RALYL: variants seen among roughly 807,000 people sequenced by gnomAD.
RALYL encodes the protein RNA-binding Raly-like protein.
RALYL carries 29 observed loss-of-function variants against 35.1 expected under a neutral mutation model. The observed-to-expected ratio is 0.83, with a 90% CI of 0.61 to 1.13. The LOEUF (loss-of-function observed/expected upper bound fraction) is 1.13. Ranked by LOEUF, RALYL falls within the 50% of genes most tolerant of loss-of-function variation. RALYL has a pLI of 0.00. For synonymous variants in RALYL, 120 were observed against 127.6 expected, an observed-to-expected ratio of 0.94 and a Z score of 0.40; for missense variants, 359 against 360.4, an observed-to-expected ratio of 1.00 and a Z score of 0.03.
chr8:84,840,633 C>T (rs960230971), intron 4 of RALYL, among the ~76,000 whole-genome samples: 4 of 152,150 alleles, frequency 2.6e-5, no homozygotes, highest in Non-Finnish European at 5.9e-5. Flanking sequence ...AAAGATGCTA[C>T]TTGAGAAGAG....
At chr8:84,637,191 A>G (rs1455497341) in intron 2 of RALYL, among the ~76,000 whole-genome samples, 1 of 151,942 alleles carries the variant, frequency 6.6e-6, no homozygotes, top group Admixed American at 6.6e-5. Context: ...TTGATGTTGC[A>G]GACATTTTAT....
At chr8:84,560,233 G>C (rs2061391988) in intron 2 of RALYL, among the ~76,000 whole-genome samples, 1 of 151,806 alleles carries the variant, frequency 6.6e-6, no homozygotes, top group African/African-American at 2.4e-5. Flanking sequence ...CTATCTCTTG[G>C]CTAGGGAAGG....
At chr8:84,843,309 C>T (rs1234174927) in intron 4 of RALYL, among the ~76,000 whole-genome samples, 3 of 152,092 alleles carry the variant, frequency 2.0e-5, no homozygotes, top group Non-Finnish European at 2.9e-5. Context: ...CACAAGCACT[C>T]TTATACACCA....
chr8:84,740,411 A>G (rs1050282794), intron 2 of RALYL, among the ~76,000 whole-genome samples: 2 of 152,084 alleles, frequency 1.3e-5, no homozygotes, highest in Non-Finnish European at 1.5e-5. Flanking sequence ...TAGAGAAGAG[A>G]TTATACAATA....
chr8:84,298,339 G>GT (rs143522434), intron 1 of RALYL, among the ~76,000 whole-genome samples: 11 of 152,104 alleles, frequency 7.2e-5, no homozygotes, highest in Non-Finnish European at 1.5e-4. Flanking sequence ...TGATCAGATG[G>GT]TTTTAGGTGT....
At chr8:84,903,716 T>C (rs1846064847) in intron 8 of RALYL, among the ~76,000 whole-genome samples, 1 of 152,214 alleles carries the variant, frequency 6.6e-6, no homozygotes, top group African/African-American at 2.4e-5. Flanking sequence ...ATTATAGTTC[T>C]ATGATGCCAA....
intron 4 of RALYL, among the ~76,000 whole-genome samples, chr8:84,820,095 A>G (rs760966104): frequency 1.3e-5 from 2 of 152,200 alleles, no homozygotes; most frequent in African/African-American, 2.4e-5. Context: ...CACTCAACCC[A>G]GTAACAATTT....
intron 1 of RALYL, among the ~76,000 whole-genome samples, chr8:84,400,186 C>T (rs769215330): frequency 2.6e-5 from 4 of 152,034 alleles, no homozygotes; most frequent in African/African-American, 9.7e-5. Flanking sequence ...TGTATATACA[C>T]AATGAAATAT....
intron 2 of RALYL, among the ~76,000 whole-genome samples, chr8:84,720,096 A>G (rs1039258476): frequency 6.6e-6 from 1 of 152,100 alleles, no homozygotes; most frequent in Non-Finnish European, 1.5e-5. Flanking sequence ...TAGGATTCCA[A>G]TCTTTTTTAT....
chr8:84,841,729 C>T (rs1009576498), intron 4 of RALYL, among the ~76,000 whole-genome samples: 2 of 152,206 alleles, frequency 1.3e-5, no homozygotes, highest in East Asian at 1.9e-4. Flanking sequence ...TAAAGCACTC[C>T]TCTGCAAATG....
intron 1 of RALYL, among the ~76,000 whole-genome samples, chr8:84,471,226 A>T (rs1001938851): frequency 6.6e-6 from 1 of 152,202 alleles, no homozygotes; most frequent in Non-Finnish European, 1.5e-5. Context: ...ATTGCTATTA[A>T]GAGAAATGCA....
chr8:84,335,420 C>T (rs1277045467), intron 1 of RALYL, among the ~76,000 whole-genome samples: 1 of 152,184 alleles, frequency 6.6e-6, no homozygotes, highest in East Asian at 1.9e-4. Context: ...GCACAGTTGC[C>T]TTCTAATATG....
At chr8:84,475,878 A>G (rs1195733076) in intron 1 of RALYL, among the ~76,000 whole-genome samples, 1 of 152,182 alleles carries the variant, frequency 6.6e-6, no homozygotes, top group African/African-American at 2.4e-5. Context: ...TAAAAATACT[A>G]TTTCATCAAA....
chr8:84,601,623 A>G (rs1028177087), intron 2 of RALYL, among the ~76,000 whole-genome samples: 4 of 145,022 alleles, frequency 2.8e-5, no homozygotes, highest in Non-Finnish European at 6.1e-5. Flanking sequence ...GCAACATGAG[A>G]AAAAAAAAAA....
At chr8:84,222,254 G>A (rs1222425905) in intron 1 of RALYL, among the ~76,000 whole-genome samples, 1 of 152,062 alleles carries the variant, frequency 6.6e-6, no homozygotes, top group African/African-American at 2.4e-5. Flanking sequence ...TAGACTAATA[G>A]TTTATCCATA....
intron 2 of RALYL, among the ~76,000 whole-genome samples, chr8:84,547,925 T>C (rs76090104): frequency 0.015 from 2,301 of 152,298 alleles, 57 homozygotes; most frequent in African/African-American, 0.052. Flanking sequence ...ATGGGAATAA[T>C]ATTCCCTGAG....
intron 1 of RALYL, among the ~76,000 whole-genome samples, chr8:84,485,021 A>G (rs1057305776): frequency 6.6e-5 from 10 of 152,056 alleles, no homozygotes; most frequent in African/African-American, 1.4e-4. Context: ...GGCTTCCCCT[A>G]CGGTACTTAT....
chr8:84,438,677 A>T (rs113196516), intron 1 of RALYL, among the ~76,000 whole-genome samples: 1,941 of 152,066 alleles, frequency 0.013, 51 homozygotes, highest in African/African-American at 0.044. Context: ...AAGGCATGAG[A>T]CACCGTACCC....
chr8:84,318,352 ATTATC>A (rs1173354948), intron 1 of RALYL, among the ~76,000 whole-genome samples: 1 of 152,160 alleles, frequency 6.6e-6, no homozygotes, highest in East Asian at 1.9e-4. Context: ...TATCAGCTTA[ATTATC>A]TTATCTGCAT....
Sources: allele counts gnomAD v4.1 joint callset (sites outside exome capture counted in the v4.1 genomes callset), GRCh38; gene constraint gnomAD v4.1.1; transcripts MANE v1.5; gene names NCBI Gene and HGNC (gene_info 2026-07-23, HGNC 2026-07-21).